The following CHD1L variants were observed in gnomAD, a reference collection of about 807,000 sequenced individuals.
The protein encoded by CHD1L is ATP-dependent chromatin remodeler CHD1L.
Under a neutral mutation model 115.9 loss-of-function variants are expected in CHD1L, and 118 were observed. That is an observed-to-expected ratio of 1.02 (90% confidence interval 0.88 to 1.19). The LOEUF is 1.19. Ranked by LOEUF, CHD1L falls within the 50% of genes most tolerant of loss-of-function variation. CHD1L has a pLI of 0.00. For synonymous variants in CHD1L, 411 were observed against 387.1 expected (o/e 1.06, Z -0.72); for missense variants, 1,179 against 1,065.3 (o/e 1.11, Z -1.49).
At chr1:147,273,766 G>T (rs1677200399) in intron 12 of CHD1L, among the ~76,000 whole-genome samples, 1 of 152,108 alleles carries the variant, frequency 6.6e-6, no homozygotes, top group Non-Finnish European at 1.5e-5. Flanking sequence ...TCTGGGAGCT[G>T]AAGCAGTCCT....
intron 19 of CHD1L, among the ~76,000 whole-genome samples, chr1:147,288,652 G>T (rs782796363): frequency 2.1e-4 from 32 of 152,166 alleles, no homozygotes; most frequent in Non-Finnish European, 3.5e-4. Flanking sequence ...TTGCACTTCA[G>T]CCTGGGTGAC....
the CHD1L span, among the ~76,000 whole-genome samples, chr1:147,195,801 G>C: frequency 1.3e-5 from 2 of 152,088 alleles, no homozygotes; most frequent in African/African-American, 4.8e-5. Context: ...TATTTTACCT[G>C]ATACAAGCAT....
At chr1:147,184,668 T>G in the CHD1L span, 8 of 1,465,612 alleles carry the variant, frequency 5.5e-6, no homozygotes, top group Non-Finnish European at 7.2e-6. This position sits in a 1 kb window ranked among gnomAD's most constrained non-coding sequence, Gnocchi z 4.4. Flanking sequence ...AACAGAGAGG[T>G]AAAGTGGCCT....
At chr1:147,282,753 GAAC>G (rs1202310702) in intron 15 of CHD1L, among the ~76,000 whole-genome samples, 7 of 152,172 alleles carry the variant, frequency 4.6e-5, no homozygotes, top group Middle Eastern at 3.4e-3. Flanking sequence ...ACGTTTACTA[GAAC>G]AAAATAAAGT....
chr1:147,246,214 C>T (rs1337692527), intron 1 of CHD1L, among the ~76,000 whole-genome samples: 1 of 152,086 alleles, frequency 6.6e-6, no homozygotes, highest in East Asian at 1.9e-4. Flanking sequence ...TCATCCAGGT[C>T]GTTGCACGTA....
chr1:147,187,295 A>T, the CHD1L span: 1 of 1,398,752 alleles, frequency 7.1e-7, no homozygotes, highest in Non-Finnish European at 9.8e-7. Context: ...TCAATCAGTC[A>T]GTCAATCAAT....
At chr1:147,183,616 C>T in the CHD1L span, among the ~76,000 whole-genome samples, 1 of 152,058 alleles carries the variant, frequency 6.6e-6, no homozygotes, top group Non-Finnish European at 1.5e-5. Flanking sequence ...AGGAAGGTGA[C>T]CTATTTGATA....
At chr1:147,268,908 G>A in intron 10 of CHD1L, 30 bp downstream of exon 10, 1 of 1,536,596 alleles carries the variant, frequency 6.5e-7, no homozygotes, top group Non-Finnish European at 9.0e-7. Flanking sequence ...TTGCTGCTCT[G>A]AGCTAATGAC....
chr1:147,284,179 C>T (rs868975206), intron 15 of CHD1L, among the ~76,000 whole-genome samples, 172 bp from the exon 16 acceptor site: 1 of 152,158 alleles, frequency 6.6e-6, no homozygotes, highest in Non-Finnish European at 1.5e-5. Flanking sequence ...CCATGTAGAA[C>T]CCACATTCTT....
At chr1:147,267,821 G>GC (rs1249562312) in intron 9 of CHD1L, among the ~76,000 whole-genome samples, 1 of 151,722 alleles carries the variant, frequency 6.6e-6, no homozygotes, top group East Asian at 1.9e-4. Flanking sequence ...ATTCTTCAGC[G>GC]TTTTTTTTCT....
intron 1 of CHD1L, among the ~76,000 whole-genome samples, chr1:147,247,267 A>C (rs587624479): frequency 6.6e-6 from 1 of 152,238 alleles, no homozygotes; most frequent in South Asian, 2.1e-4. Flanking sequence ...GTCCCCACCA[A>C]ATATCATGTT....
chr1:147,288,330 A>AAAAAAAG, intron 19 of CHD1L, among the ~76,000 whole-genome samples: 2 of 1,400 alleles, frequency 1.4e-3, no homozygotes, highest in East Asian at 0.024. Context: ...TTCAATAAAA[A>AAAAAAAG]AAAAAAAAAA....
At chr1:147,201,346 G>A in the CHD1L span, 5 of 1,614,150 alleles carry the variant, frequency 3.1e-6, no homozygotes, top group African/African-American at 2.7e-5. Context: ...GCTATAGCCT[G>A]TGGCAAAGAT....
the CHD1L span, among the ~76,000 whole-genome samples, chr1:147,180,079 T>C: frequency 6.6e-6 from 1 of 152,140 alleles, no homozygotes; most frequent in Non-Finnish European, 1.5e-5. Flanking sequence ...TGGGAAAGAA[T>C]ATATAAGAAC....
chr1:147,246,273 C>T (rs587753650), intron 1 of CHD1L, among the ~76,000 whole-genome samples: 1 of 152,242 alleles, frequency 6.6e-6, no homozygotes, highest in Non-Finnish European at 1.5e-5. Flanking sequence ...CACAGTATAC[C>T]ACAGTTTGTT....
At chr1:147,178,070 T>G in the CHD1L span, 2 of 1,176,036 alleles carry the variant, frequency 1.7e-6, no homozygotes, top group South Asian at 3.1e-5. Context: ...GCAGTCCCAG[T>G]CGAGCCGCGA....
the CHD1L span, chr1:147,201,645 T>A: frequency 1.6e-6 from 1 of 640,728 alleles, no homozygotes; most frequent in Non-Finnish European, 2.7e-6. Flanking sequence ...GGAAAAGGTC[T>A]AATTTATACT....
chr1:147,286,618 A>C, intron 18 of CHD1L, 118 bp downstream of exon 18: 2 of 862,864 alleles, frequency 2.3e-6, no homozygotes, highest in Non-Finnish European at 3.6e-6. Flanking sequence ...TACAGTCAAA[A>C]AAGTGTGAAT....
In CHD1L at chr1:147,284,832, G is replaced by A. The variant is rs587767530; in HGVS notation, c.1854+333G>A. Among the ~76,000 whole-genome samples the A allele has an allele frequency of 9.1e-4, 139 of 152,210 alleles. 1 individual carries two copies. In the South Asian group the frequency reaches 0.014, roughly 15 times the overall value. ...TGATGACCCTATGACAAGAAGAGAG[G>A]ATGGCAATCATAAATGATATATGTA... On this transcript the variant is annotated intron_variant, in intron 16 of 22. Transcript: ENST00000369258.
Sources: gnomAD v4.1 joint callset for allele counts (sites outside exome capture counted in the v4.1 genomes callset) on GRCh38, gnomAD v4.1.1 for gene constraint, Gnocchi (gnomAD v3.1) non-coding constraint, MANE v1.5 for transcripts, NCBI Gene and HGNC (gene_info 2026-07-23, HGNC 2026-07-21) for gene names.